The following KPNA7 variants were observed in gnomAD, a reference collection of about 807,000 sequenced individuals.
The protein encoded by KPNA7 is importin subunit alpha-8.
KPNA7 carries 54 observed loss-of-function variants against 53.7 expected under a neutral mutation model. The ratio of observed to expected loss-of-function variants is 1.01; its 90% CI spans 0.81 to 1.26. KPNA7 has a LOEUF of 1.26. Ranked by LOEUF, KPNA7 falls within the 50% of genes most tolerant of loss-of-function variation. KPNA7 has a pLI of 0.00. For synonymous variants in KPNA7, 276 were observed against 259.3 expected, an observed-to-expected ratio of 1.06 and a Z score of -0.62; for missense variants, 640 against 644.5, an observed-to-expected ratio of 0.99 and a Z score of 0.07.
intron 4 of KPNA7, 25 bp from the exon 5 acceptor site, chr7:99,195,363 G>T: frequency 6.5e-7 from 1 of 1,546,650 alleles, no homozygotes; most frequent in South Asian, 1.2e-5. Flanking sequence ...AGAGGGCAGG[G>T]GAGGGGGAGG....
At chr7:99,157,684 C>T in the KPNA7 span, among the ~76,000 whole-genome samples, 1 of 152,066 alleles carries the variant, frequency 6.6e-6, no homozygotes, top group Non-Finnish European at 1.5e-5. Flanking sequence ...AACTGAATGC[C>T]CTATGGATGT....
intron 3 of KPNA7, among the ~76,000 whole-genome samples, chr7:99,197,318 G>T (rs1050438832): frequency 2.6e-5 from 4 of 152,176 alleles, no homozygotes; most frequent in African/African-American, 9.7e-5. Flanking sequence ...TAGATAATTA[G>T]CTCAAACTAC....
the KPNA7 span, among the ~76,000 whole-genome samples, chr7:99,148,317 C>A: frequency 2.6e-5 from 4 of 152,066 alleles, no homozygotes; most frequent in African/African-American, 9.7e-5. Context: ...CTTTTATTTC[C>A]CAGAAATGTA....
At chr7:99,193,677 T>A (rs2150747278) in intron 5 of KPNA7, among the ~76,000 whole-genome samples, 1 of 152,080 alleles carries the variant, frequency 6.6e-6, no homozygotes, top group African/African-American at 2.4e-5. Context: ...TTTATTTTTT[T>A]TTTTTGGCGG....
intron 1 of KPNA7, among the ~76,000 whole-genome samples, chr7:99,216,408 C>T: frequency 6.6e-6 from 1 of 152,138 alleles, no homozygotes; most frequent in East Asian, 1.9e-4. Context: ...CAAATGTCAT[C>T]CACCTAGGGG....
At chr7:99,173,166 C>T (rs1221893717), downstream of KPNA7, among the ~76,000 whole-genome samples, 1 of 151,148 alleles carries the variant, frequency 6.6e-6, no homozygotes, top group African/African-American at 2.4e-5. Flanking sequence ...TTTTAAAAGG[C>T]AATTACTAAA....
At chr7:99,156,281 A>T in the KPNA7 span, among the ~76,000 whole-genome samples, 80 of 152,322 alleles carry the variant, frequency 5.3e-4, no homozygotes, top group African/African-American at 1.8e-3. Context: ...ATTTATGGTT[A>T]TAATTTTCCC....
chr7:99,162,037 ATTTTT>A, the KPNA7 span, among the ~76,000 whole-genome samples: 1 of 106,924 alleles, frequency 9.4e-6, no homozygotes, highest in East Asian at 2.8e-4. Context: ...CAAGATTGCA[ATTTTT>A]TTTTTTTTTT....
chr7:99,190,894 G>A (rs2150740714), intron 6 of KPNA7, among the ~76,000 whole-genome samples: 1 of 152,154 alleles, frequency 6.6e-6, no homozygotes, highest in East Asian at 1.9e-4. Context: ...CTGGCTGGGT[G>A]ACATATACAC....
intron 8 of KPNA7, 143 bp downstream of exon 8, chr7:99,184,785 TC>T: frequency 2.8e-6 from 2 of 703,504 alleles, no homozygotes; most frequent in Non-Finnish European, 4.9e-6. Context: ...TTCCTTTTTT[TC>T]AGGCAAAGCT....
At position 99,195,104 on chromosome 7, in the gene KPNA7, A is replaced by T; in HGVS notation, c.519T>A (p.Cys173Ter). The change falls in exon 5 of 11, where the codon TGT becomes TGA. Residue 173 changes from cysteine (C) to a stop codon, truncating the protein, a stop_gained. Transcript: ENST00000327442. LOFTEE classifies it high-confidence loss of function. The part of the protein sequence containing the change: ...ELLSSSNVAV[C>*]EQAVWALGNI... ...TACCAAGAGCCCACACTGCCTGTTC[A>T]CACACAGCCACGTTGGAGGAAGACA... 1 of 1,551,608 alleles carries T rather than the reference A, an allele frequency of 6.4e-7. No homozygotes were observed. Among genetic ancestry groups the T allele is most frequent in the Non-Finnish European group, 8.7e-7 (1 of 1,146,978 alleles).
chr7:99,198,189 T>G (rs968230638), intron 3 of KPNA7, among the ~76,000 whole-genome samples: 1 of 151,950 alleles, frequency 6.6e-6, no homozygotes, highest in Non-Finnish European at 1.5e-5. Flanking sequence ...AGCATTGCAC[T>G]CCAGCCTGGG....
chr7:99,174,920 G>A (rs1257360626), intron 10 of KPNA7, among the ~76,000 whole-genome samples: 1 of 151,104 alleles, frequency 6.6e-6, no homozygotes, highest in Non-Finnish European at 1.5e-5. Context: ...AAGTGATTCT[G>A]CTGCCTCAGC....
intron 9 of KPNA7, 130 bp downstream of exon 9, chr7:99,181,753 A>G: frequency 1.3e-6 from 1 of 782,228 alleles, no homozygotes; most frequent in Non-Finnish European, 1.9e-6. Context: ...GCTGGCCTCA[A>G]ATTCCTGACC....
downstream of KPNA7, among the ~76,000 whole-genome samples, chr7:99,171,936 T>G (rs1158471251): frequency 1.3e-5 from 2 of 152,034 alleles, no homozygotes; most frequent in East Asian, 3.9e-4. Context: ...CTCCAGTGGG[T>G]GTGGATGACA....
chr7:99,171,533 C>T (rs1798771580), downstream of KPNA7, among the ~76,000 whole-genome samples: 1 of 152,164 alleles, frequency 6.6e-6, no homozygotes, highest in Admixed American at 6.5e-5. Flanking sequence ...CCTCCAACTC[C>T]CTGGCTCAAG....
intron 7 of KPNA7, among the ~76,000 whole-genome samples, chr7:99,185,645 G>A (rs1789542618): frequency 6.6e-6 from 1 of 152,048 alleles, no homozygotes; most frequent in African/African-American, 2.4e-5. Flanking sequence ...GATGTTTAAA[G>A]GTGACTTAAA....
rs587777538 is a variant in KPNA7, at chr7:99,185,048, G to T, written c.1015C>A (p.Pro339Thr). The T allele has an allele frequency of 6.4e-5, 99 of 1,551,760 alleles. No individual in the cohort carries two copies. Among genetic ancestry groups the T allele is most frequent in the Non-Finnish European group, 8.4e-5 (96 of 1,147,036 alleles). ...CAGGCTGCCTCCTTCTGGATGGAGG[G>T]CTTGTTGTGTTGCAGGAGCTGGGGG... ...VLPQLLQHNK[P>T]SIQKEAAWAL... Residue 339 changes from proline to threonine, a missense_variant, in exon 8 of 11, where the codon CCC (proline) becomes ACC (threonine). Coordinates refer to ENST00000327442, the MANE Select transcript of KPNA7 (RefSeq NM_001145715.3).
At chr7:99,186,571 C>T (rs1017832136) in intron 7 of KPNA7, among the ~76,000 whole-genome samples, 23 of 151,766 alleles carry the variant, frequency 1.5e-4, no homozygotes, top group East Asian at 5.9e-4. Flanking sequence ...GGGGAAACAC[C>T]GTCTCTACTA....
Sources: gnomAD v4.1 joint callset for allele counts (sites outside exome capture counted in the v4.1 genomes callset) on GRCh38, gnomAD v4.1.1 for gene constraint, MANE v1.5 for transcripts, NCBI Gene and HGNC (gene_info 2026-07-23, HGNC 2026-07-21) for gene names.